Variants in SNX29 observed in about 807,000 individuals in gnomAD.
The protein encoded by SNX29 is sorting nexin-29.
In SNX29, 78 loss-of-function variants were observed where a neutral mutation model predicts 102.1. That is an observed-to-expected ratio of 0.76 (90% CI 0.64 to 0.92). The LOEUF is 0.92. SNX29 is among the 40% of genes least tolerant of loss of function. SNX29 has a pLI of 0.00. For synonymous variants in SNX29, 580 were observed against 414.5 expected (o/e 1.40, Z -4.85); for missense variants, 1,280 against 1,061.7 (o/e 1.21, Z -2.86).
At chr16:12,457,369 C>A (rs944605936) in intron 18 of SNX29, among the ~76,000 whole-genome samples, 1 of 152,170 alleles carries the variant, frequency 6.6e-6, no homozygotes, top group African/African-American at 2.4e-5. Context: ...GTTCCCACAG[C>A]CTGCACTTTA....
At chr16:12,269,324 C>T (rs77630035) in intron 14 of SNX29, among the ~76,000 whole-genome samples, 108 of 152,328 alleles carry the variant, frequency 7.1e-4, no homozygotes, top group African/African-American at 2.5e-3. Flanking sequence ...TTAATAGCAT[C>T]ACCATCTTCA....
chr16:12,014,732 C>CAAAAA (rs201224471), intron 3 of SNX29, among the ~76,000 whole-genome samples: 7 of 71,902 alleles, frequency 9.7e-5, no homozygotes, highest in East Asian at 5.6e-4. Context: ...AGCTCCGTCT[C>CAAAAA]AAAAAAAAAA....
At chr16:12,492,642 TC>T (rs2088610480) in intron 19 of SNX29, among the ~76,000 whole-genome samples, 1 of 152,230 alleles carries the variant, frequency 6.6e-6, no homozygotes. Flanking sequence ...TAGGTTTTCT[TC>T]TAGGGTTTTT....
chr16:12,065,558 G>C (rs1003799508), intron 9 of SNX29, among the ~76,000 whole-genome samples: 1 of 152,164 alleles, frequency 6.6e-6, no homozygotes, highest in Non-Finnish European at 1.5e-5. Flanking sequence ...TTGTCCTCAC[G>C]TTGGATCTTG....
chr16:12,310,371 A>G (rs995028422), intron 15 of SNX29, among the ~76,000 whole-genome samples: 6 of 152,362 alleles, frequency 3.9e-5, no homozygotes, highest in African/African-American at 1.4e-4. Context: ...CTTGTGCACA[A>G]ATGTTCAGAG....
intron 15 of SNX29, among the ~76,000 whole-genome samples, chr16:12,332,823 T>C (rs748489394): frequency 6.6e-6 from 1 of 152,114 alleles, no homozygotes; most frequent in Non-Finnish European, 1.5e-5. Flanking sequence ...TCCTCTTTCA[T>C]TTCGTCTTGG....
chr16:12,063,076 C>T (rs1354123629), intron 9 of SNX29, among the ~76,000 whole-genome samples: 1 of 152,172 alleles, frequency 6.6e-6, no homozygotes, highest in South Asian at 2.1e-4. Flanking sequence ...GTGGCTGACC[C>T]TGATGAACTC....
chr16:12,010,508 C>G (rs1358393567), intron 3 of SNX29, among the ~76,000 whole-genome samples: 1 of 152,064 alleles, frequency 6.6e-6, no homozygotes. Context: ...GGCCTGTGGT[C>G]TCAGCTACTC....
intron 13 of SNX29, among the ~76,000 whole-genome samples, chr16:12,165,030 G>A (rs1438951773): frequency 6.6e-6 from 1 of 152,142 alleles, no homozygotes; most frequent in African/African-American, 2.4e-5. Context: ...GGCTGTTCTT[G>A]AATTTGCATT....
intron 20 of SNX29, among the ~76,000 whole-genome samples, chr16:12,567,491 T>G (rs2079060135): frequency 6.6e-6 from 1 of 152,152 alleles, no homozygotes; most frequent in Non-Finnish European, 1.5e-5. Context: ...TTTACAGATG[T>G]GATTAAGGAT....
chr16:12,151,524 C>T (rs886185551), intron 13 of SNX29, among the ~76,000 whole-genome samples: 4 of 152,170 alleles, frequency 2.6e-5, no homozygotes, highest in Admixed American at 6.5e-5. Flanking sequence ...GTGATCTGAC[C>T]GGGGCCTGCC....
chr16:12,566,904 C>G (rs1032703344), intron 20 of SNX29, among the ~76,000 whole-genome samples: 2 of 152,208 alleles, frequency 1.3e-5, no homozygotes, highest in African/African-American at 4.8e-5. Flanking sequence ...AAAAGACAAT[C>G]ATTAAAAGGG....
intron 13 of SNX29, among the ~76,000 whole-genome samples, chr16:12,140,709 C>T (rs534044871): frequency 1.3e-5 from 2 of 152,242 alleles, no homozygotes; most frequent in African/African-American, 2.4e-5. Context: ...CCATTCTAAG[C>T]GGTAGCCCGA....
intron 18 of SNX29, among the ~76,000 whole-genome samples, chr16:12,424,772 A>C (rs114932178): frequency 0.014 from 2,059 of 152,156 alleles, 47 homozygotes; most frequent in African/African-American, 0.046. Flanking sequence ...CCCTCTCTAT[A>C]CCTTCCTTCC....
At chr16:12,130,628 C>G (rs1385525738) in intron 13 of SNX29, among the ~76,000 whole-genome samples, 2 of 151,970 alleles carry the variant, frequency 1.3e-5, no homozygotes, top group African/African-American at 4.8e-5. Flanking sequence ...TCCCAGCCAC[C>G]CAGTTTGCTC....
At chr16:12,566,035 T>C (rs2078990533) in intron 20 of SNX29, among the ~76,000 whole-genome samples, 1 of 152,208 alleles carries the variant, frequency 6.6e-6, no homozygotes, top group Non-Finnish European at 1.5e-5. Flanking sequence ...ACACAGGTCA[T>C]GTGTTTGAAT....
At chr16:12,564,207 G>C (rs1216348721) in intron 20 of SNX29, among the ~76,000 whole-genome samples, 1 of 137,828 alleles carries the variant, frequency 7.3e-6, no homozygotes, top group African/African-American at 2.8e-5. Flanking sequence ...GGGCACCATA[G>C]GGAGACCCCC....
At chr16:12,454,294 G>C (rs1472875301) in intron 18 of SNX29, among the ~76,000 whole-genome samples, 3 of 152,194 alleles carry the variant, frequency 2.0e-5, no homozygotes, top group Non-Finnish European at 4.4e-5. Context: ...CTCAGTCCCT[G>C]ATGACTAAGG....
At chr16:12,066,309 G>A (rs1380124401) in intron 9 of SNX29, among the ~76,000 whole-genome samples, 2 of 152,316 alleles carry the variant, frequency 1.3e-5, no homozygotes, top group East Asian at 1.9e-4. Context: ...GACACGACTT[G>A]TGAGCCAAGA....
Sources: allele counts gnomAD v4.1 joint callset (sites outside exome capture counted in the v4.1 genomes callset), GRCh38; gene constraint gnomAD v4.1.1; transcripts MANE v1.5; gene names NCBI Gene and HGNC (gene_info 2026-07-23, HGNC 2026-07-21).